Variants in CTNNA3 observed in about 807,000 individuals in gnomAD.
CTNNA3 encodes the protein catenin alpha 3.
A neutral mutation model predicts 95.7 loss-of-function variants in CTNNA3; 76 were observed. That is an observed-to-expected ratio of 0.79 (90% CI 0.66 to 0.96). CTNNA3 has a LOEUF of 0.96. CTNNA3 is among the 40% of genes least tolerant of loss of function. The probability of loss-of-function intolerance (pLI) is 0.00; values close to 1 mark genes in which losing one functional copy is unlikely to be tolerated. For missense variants in CTNNA3, 1,191 were observed against 1,089.8 expected, an observed-to-expected ratio of 1.09 and a Z score of -1.31; for synonymous variants, 431 against 374.4, an observed-to-expected ratio of 1.15 and a Z score of -1.74.
intron 13 of CTNNA3, among the ~76,000 whole-genome samples, chr10:66,204,437 T>C (rs1351629399): frequency 6.6e-6 from 1 of 152,170 alleles, no homozygotes; most frequent in Non-Finnish European, 1.5e-5. Context: ...AAAGCTCACA[T>C]ACCTGCAAGA....
intron 10 of CTNNA3, among the ~76,000 whole-genome samples, chr10:66,572,346 G>C (rs1276366275): frequency 6.6e-6 from 1 of 150,822 alleles, no homozygotes; most frequent in Non-Finnish European, 1.5e-5. Context: ...TCGCACCACT[G>C]CACTCCAGCC....
chr10:66,113,751 C>A (rs2082205324), intron 13 of CTNNA3, among the ~76,000 whole-genome samples: 1 of 152,164 alleles, frequency 6.6e-6, no homozygotes, highest in South Asian at 2.1e-4. Context: ...ATTCAACATG[C>A]TGAATACAAT....
At chr10:67,246,319 GAAGT>G (rs900182336) in intron 5 of CTNNA3, among the ~76,000 whole-genome samples, 2 of 152,190 alleles carry the variant, frequency 1.3e-5, no homozygotes, top group Admixed American at 1.3e-4. Context: ...ACTCTAGAGA[GAAGT>G]ATGTGTTTAG....
At chr10:67,445,446 A>T (rs1171486784) in intron 5 of CTNNA3, among the ~76,000 whole-genome samples, 1 of 152,058 alleles carries the variant, frequency 6.6e-6, no homozygotes, top group Non-Finnish European at 1.5e-5. Flanking sequence ...CAAGAAAAGA[A>T]AAGAGAGGGG....
chr10:67,356,032 T>C (rs1393346278), intron 5 of CTNNA3, among the ~76,000 whole-genome samples: 2 of 152,038 alleles, frequency 1.3e-5, no homozygotes, highest in Non-Finnish European at 2.9e-5. Context: ...AACCTCTTTA[T>C]CACCACAGGA....
At chr10:67,220,424 C>G (rs1029595077) in intron 5 of CTNNA3, among the ~76,000 whole-genome samples, 7 of 152,044 alleles carry the variant, frequency 4.6e-5, no homozygotes, top group Middle Eastern at 3.2e-3. Context: ...TATTCTAGCC[C>G]TTGTGCTGGA....
intron 13 of CTNNA3, among the ~76,000 whole-genome samples, chr10:66,247,494 T>A (rs527863456): frequency 6.6e-6 from 1 of 152,158 alleles, no homozygotes; most frequent in African/African-American, 2.4e-5. Context: ...TACAATAGGG[T>A]TATAGAACAC....
chr10:65,966,215 A>G (rs567352211), intron 17 of CTNNA3, among the ~76,000 whole-genome samples: 62 of 152,322 alleles, frequency 4.1e-4, no homozygotes, highest in African/African-American at 1.4e-3. Context: ...GGGAAAATGA[A>G]TATCAATTAA....
intron 14 of CTNNA3, among the ~76,000 whole-genome samples, chr10:66,075,631 T>A (rs535702941): frequency 4.4e-4 from 67 of 151,968 alleles, no homozygotes; most frequent in African/African-American, 1.2e-3. Context: ...TTTGAGTAAG[T>A]GCTTTCCATA....
At chr10:67,114,888 G>A (rs1859092065) in intron 7 of CTNNA3, among the ~76,000 whole-genome samples, 1 of 152,114 alleles carries the variant, frequency 6.6e-6, no homozygotes, top group Non-Finnish European at 1.5e-5. Flanking sequence ...CATGAATCAT[G>A]TGGAGTTTAA....
intron 3 of CTNNA3, among the ~76,000 whole-genome samples, chr10:67,541,397 TTATAA>T (rs1840680901): frequency 6.6e-6 from 1 of 152,030 alleles, no homozygotes; most frequent in African/African-American, 2.4e-5. Flanking sequence ...ATACTGTTTC[TTATAA>T]TAGACAAAAC....
At chr10:66,075,670 C>A (rs1284424248) in intron 14 of CTNNA3, among the ~76,000 whole-genome samples, 2 of 151,676 alleles carry the variant, frequency 1.3e-5, no homozygotes, top group African/African-American at 4.8e-5. Flanking sequence ...AATATAGCGC[C>A]ATTATAATTA....
intron 9 of CTNNA3, among the ~76,000 whole-genome samples, chr10:66,659,114 A>C (rs1234774683): frequency 1.3e-5 from 2 of 152,068 alleles, no homozygotes; most frequent in East Asian, 3.9e-4. Flanking sequence ...TATATCATTG[A>C]ACAAGAAAAT....
At chr10:66,533,286 T>C (rs1012808461) in intron 10 of CTNNA3, among the ~76,000 whole-genome samples, 1 of 152,170 alleles carries the variant, frequency 6.6e-6, no homozygotes, top group Non-Finnish European at 1.5e-5. Flanking sequence ...CTCCAATTTA[T>C]CCAGCAGGGC....
intron 1 of CTNNA3, among the ~76,000 whole-genome samples, chr10:67,691,251 C>T (rs1181583877): frequency 6.6e-6 from 1 of 152,212 alleles, no homozygotes; most frequent in African/African-American, 2.4e-5. Context: ...ACAACCTCCA[C>T]CTCCCAGCAG....
chr10:65,981,591 C>G (rs575140452), intron 16 of CTNNA3, among the ~76,000 whole-genome samples: 1 of 152,072 alleles, frequency 6.6e-6, no homozygotes, highest in East Asian at 1.9e-4. Flanking sequence ...TACTTGACTT[C>G]AAACTATATT....
intron 7 of CTNNA3, among the ~76,000 whole-genome samples, chr10:67,116,814 A>C (rs1015901741): frequency 1.7e-4 from 25 of 150,606 alleles, no homozygotes; most frequent in South Asian, 2.1e-4. Context: ...TAAAATAAAA[A>C]TTAAAAATTC....
At chr10:66,042,506 G>A (rs1430329306) in intron 15 of CTNNA3, among the ~76,000 whole-genome samples, 1 of 151,892 alleles carries the variant, frequency 6.6e-6, no homozygotes, top group Non-Finnish European at 1.5e-5. Flanking sequence ...TGTAAAATGA[G>A]GTTAAAATGA....
intron 3 of CTNNA3, among the ~76,000 whole-genome samples, chr10:67,562,789 A>C (rs1388431556): frequency 2.0e-5 from 3 of 152,208 alleles, no homozygotes; most frequent in African/African-American, 7.2e-5. Flanking sequence ...ACTTCAACAA[A>C]GTCTCAGGAT....
Sources: gnomAD v4.1 joint callset for allele counts (sites outside exome capture counted in the v4.1 genomes callset) on GRCh38, gnomAD v4.1.1 for gene constraint, MANE v1.5 for transcripts, NCBI Gene and HGNC (gene_info 2026-07-23, HGNC 2026-07-21) for gene names.